The following PDE4D variants were observed in gnomAD, a reference collection of about 807,000 sequenced individuals.
PDE4D encodes the protein 3',5'-cyclic-AMP phosphodiesterase 4D.
A neutral mutation model predicts 87.4 loss-of-function variants in PDE4D; 24 were observed. The observed-to-expected ratio is 0.27, with a 90% CI of 0.20 to 0.39. The LOEUF (loss-of-function observed/expected upper bound fraction) is 0.39, where lower values mean the gene tolerates loss of function less well. Ranked by LOEUF, PDE4D falls within the 10% of genes least tolerant of loss-of-function variation. The pLI, the probability that PDE4D is intolerant of heterozygous loss-of-function variation, is 1.00. For missense variants in PDE4D, 714 were observed against 1,041.0 expected (o/e 0.69, Z 4.32); for synonymous variants, 384 against 383.2 (o/e 1.00, Z -0.02).
chr5:59,317,553 C>A (rs149238290), intron 1 of PDE4D, among the ~76,000 whole-genome samples: 1 of 152,076 alleles, frequency 6.6e-6, no homozygotes, highest in Admixed American at 6.6e-5. Flanking sequence ...AGGCCACAAC[C>A]CCTGCAGGCA....
chr5:60,294,650 G>GA (rs1208975264), intron 1 of PDE4D, among the ~76,000 whole-genome samples: 1 of 151,306 alleles, frequency 6.6e-6, no homozygotes, highest in African/African-American at 2.4e-5. Context: ...TTGGTGTCTT[G>GA]AAAAAAATCA....
intron 2 of PDE4D, among the ~76,000 whole-genome samples, chr5:60,073,965 C>A (rs1013388354): frequency 9.9e-5 from 15 of 151,818 alleles, no homozygotes; most frequent in Non-Finnish European, 1.5e-5. Flanking sequence ...ATTAATTTTT[C>A]AAAAACACAG....
At chr5:60,313,752 T>C (rs1330754524) in intron 1 of PDE4D, among the ~76,000 whole-genome samples, 1 of 152,174 alleles carries the variant, frequency 6.6e-6, no homozygotes, top group African/African-American at 2.4e-5. Context: ...CATGATTAAG[T>C]AGACTTTATC....
At chr5:60,043,125 C>A (rs1459646463) in intron 2 of PDE4D, among the ~76,000 whole-genome samples, 4 of 151,428 alleles carry the variant, frequency 2.6e-5, no homozygotes, top group Non-Finnish European at 5.9e-5. Flanking sequence ...GCTGAAAAAC[C>A]CAGCACAAGA....
intron 1 of PDE4D, among the ~76,000 whole-genome samples, chr5:59,474,521 T>C (rs1441796232): frequency 6.6e-6 from 1 of 152,096 alleles, no homozygotes. Context: ...AAAAGTGGTA[T>C]GTGTCACTTC....
rs183012489 is a variant in PDE4D, at chr5:59,592,138, A to G, written c.455+301030T>C. 80 of 985,126 alleles carry G rather than the reference A, an allele frequency of 8.1e-5. 1 individual carries two copies. In the East Asian group the frequency reaches 5.7e-3, roughly 70 times the overall value. 61.0% of individuals were successfully genotyped at this position (985,126 alleles called of 1,614,324 possible). ...ACCAAATTCTCTATCTCACCTTTAC[A>G]GAAAGCCAATCCCCCAGGAACAGAA... On this transcript the variant is annotated intron_variant, in intron 1 of 14. Transcript: ENST00000340635.
chr5:60,314,210 A>G (rs2149819916), intron 1 of PDE4D, among the ~76,000 whole-genome samples: 1 of 151,066 alleles, frequency 6.6e-6, no homozygotes, highest in East Asian at 2.0e-4. Flanking sequence ...TCTGTCACCC[A>G]GGCTGGAATG....
At chr5:59,908,178 C>T (rs1487442564) in intron 3 of PDE4D, among the ~76,000 whole-genome samples, 4 of 152,004 alleles carry the variant, frequency 2.6e-5, no homozygotes, top group Admixed American at 2.0e-4. Flanking sequence ...TAAAAAGAAA[C>T]ATTTCCAGTT....
At chr5:60,293,793 G>A (rs1466697663) in intron 1 of PDE4D, among the ~76,000 whole-genome samples, 1 of 152,060 alleles carries the variant, frequency 6.6e-6, no homozygotes, top group African/African-American at 2.4e-5. Context: ...TTGTTGCGGA[G>A]TAATACTCCA....
intron 1 of PDE4D, among the ~76,000 whole-genome samples, chr5:60,425,397 G>A (rs1743603324): frequency 6.6e-6 from 1 of 152,026 alleles, no homozygotes; most frequent in Admixed American, 6.6e-5. Context: ...CAACCATCTG[G>A]TCTTTGACAA....
At chr5:60,429,933 T>C (rs1342852308) in intron 1 of PDE4D, 1 of 469,140 alleles carries the variant, frequency 2.1e-6, no homozygotes, top group Non-Finnish European at 4.2e-6. Flanking sequence ...CTGTAGATTT[T>C]TTTAAAGTGG....
intron 1 of PDE4D, among the ~76,000 whole-genome samples, chr5:60,187,656 G>C (rs1420103758): frequency 1.3e-5 from 2 of 152,110 alleles, no homozygotes; most frequent in Non-Finnish European, 2.9e-5. Context: ...CCATCATTAA[G>C]AGATACTTTC....
At chr5:60,387,551 T>C (rs1295876709) in intron 1 of PDE4D, among the ~76,000 whole-genome samples, 1 of 152,220 alleles carries the variant, frequency 6.6e-6, no homozygotes, top group Non-Finnish European at 1.5e-5. Context: ...GGGGCAGAGA[T>C]GCCTGTACTG....
intron 1 of PDE4D, among the ~76,000 whole-genome samples, chr5:59,671,240 T>C (rs1747148790): frequency 1.3e-5 from 2 of 152,100 alleles, no homozygotes; most frequent in Admixed American, 6.6e-5. Context: ...TGCTTTGAGT[T>C]AGGGGATCAA....
chr5:59,222,215 C>T (rs1390494528), intron 1 of PDE4D, among the ~76,000 whole-genome samples: 2 of 152,204 alleles, frequency 1.3e-5, no homozygotes, highest in African/African-American at 4.8e-5. Flanking sequence ...TTCATCCACG[C>T]TCTCAACTGC....
intron 1 of PDE4D, among the ~76,000 whole-genome samples, chr5:59,682,289 G>C (rs1453819275): frequency 6.6e-6 from 1 of 152,162 alleles, no homozygotes; most frequent in African/African-American, 2.4e-5. Context: ...TAACTTTACA[G>C]TGGAGAAATC....
intron 1 of PDE4D, among the ~76,000 whole-genome samples, chr5:60,314,438 A>AT: frequency 6.6e-6 from 1 of 152,224 alleles, no homozygotes; most frequent in Non-Finnish European, 1.5e-5. Context: ...AAGTGCTGGG[A>AT]TTACAGGAGT....
At chr5:59,520,713 C>T (rs562738972) in intron 1 of PDE4D, among the ~76,000 whole-genome samples, 8 of 152,014 alleles carry the variant, frequency 5.3e-5, no homozygotes, top group Admixed American at 2.6e-4. Context: ...AATCAGGATT[C>T]GGAAAGGGCT....
chr5:60,453,196 T>A (rs1417153721), intron 1 of PDE4D, among the ~76,000 whole-genome samples: 1 of 152,106 alleles, frequency 6.6e-6, no homozygotes, highest in African/African-American at 2.4e-5. Flanking sequence ...TTTGTTCAAG[T>A]AGAAAGTGAC....
Sources: allele counts gnomAD v4.1 joint callset (sites outside exome capture counted in the v4.1 genomes callset), GRCh38; gene constraint gnomAD v4.1.1; transcripts MANE v1.5; gene names NCBI Gene and HGNC (gene_info 2026-07-23, HGNC 2026-07-21).